ROCK2: variants seen among roughly 807,000 people sequenced by gnomAD.
ROCK2 encodes the protein rho-associated protein kinase 2.
ROCK2 carries 61 observed loss-of-function variants against 195.1 expected under a neutral mutation model. The observed-to-expected ratio is 0.31, with a 90% CI of 0.25 to 0.39. ROCK2 has a LOEUF of 0.39. Ranked by LOEUF, ROCK2 falls within the 10% of genes least tolerant of loss-of-function variation. The pLI is 1.00. For missense variants in ROCK2, 1,109 were observed against 1,637.4 expected, an observed-to-expected ratio of 0.68 and a Z score of 5.57; for synonymous variants, 504 against 545.5, an observed-to-expected ratio of 0.92 and a Z score of 1.06.
At chr2:11,238,649 ACCAGCC>A (rs1333820352) in intron 4 of ROCK2, among the ~76,000 whole-genome samples, 5 of 152,280 alleles carry the variant, frequency 3.3e-5, no homozygotes, top group Non-Finnish European at 7.4e-5. Flanking sequence ...GGAATTTGAG[ACCAGCC>A]TGGGCAACAA....
At position 11,221,243 on chromosome 2, in the gene ROCK2, C is replaced by A; in HGVS notation, c.1214G>T (p.Gly405Val). 6.3e-7 allele frequency: 1 copy of A among 1,583,106 alleles called. No homozygotes were observed. The highest frequency in any genetic ancestry group is 1.2e-5 in the South Asian group (1 of 82,688). Residue 405 changes from glycine to valine, a missense_variant, in exon 9 of 33, where the codon GGA becomes GTA. Around this residue, in one of 6 missense-constraint regions of ROCK2, gnomAD observed 253 missense variants for 455.5 expected, o/e 0.56. Coordinates refer to ENST00000315872, the MANE Select transcript of ROCK2 (RefSeq NM_004850.5). ...ETFPIPKAFV[G>V]NQLPFIGFTY... is the part of the protein sequence containing the mutation. ...AAATCCGATGAAAGGCAGCTGATTT[C>A]CAACAAAAGCTTTAGGAATTGGGAA...
intron 3 of ROCK2, among the ~76,000 whole-genome samples, chr2:11,250,304 T>G (rs1270315178): frequency 1.3e-5 from 2 of 152,204 alleles, no homozygotes; most frequent in African/African-American, 4.8e-5. Flanking sequence ...TTAAAGGGTT[T>G]TTTTGTTTGT....
chr2:11,243,636 A>G (rs1665510741), intron 4 of ROCK2, among the ~76,000 whole-genome samples: 1 of 152,156 alleles, frequency 6.6e-6, no homozygotes, highest in Admixed American at 6.5e-5. Context: ...CCTACAGAGG[A>G]GCATCCACAT....
upstream of ROCK2, among the ~76,000 whole-genome samples, chr2:11,345,204 G>A (rs986879744): frequency 6.6e-5 from 10 of 152,346 alleles, no homozygotes; most frequent in African/African-American, 2.2e-4. Context: ...GCGGAGGCGG[G>A]TGGAATCCTA....
Position 11,240,041 on chromosome 2 carries a change from G to C in ROCK2, c.463-4079C>G, listed in dbSNP as rs149044471. Among the ~76,000 whole-genome samples the C allele has an allele frequency of 1.2e-3, 189 of 152,290 alleles. 2 individuals carry two copies. Among genetic ancestry groups the C allele is most frequent in the Middle Eastern group, 3.4e-3 (1 of 294 alleles). On this transcript the variant is annotated intron_variant, in intron 4 of 32. Coordinates refer to ENST00000315872, the MANE Select transcript of ROCK2 (RefSeq NM_004850.5). ...AAAGTGCATTTCTCTCCTGGCACCA[G>C]AACATCAATGTGTTCACCAACCAGT... is the stretch of plus-strand genomic sequence containing the variant.
intron 3 of ROCK2, among the ~76,000 whole-genome samples, chr2:11,281,685 A>T (rs1667009360): frequency 6.6e-6 from 1 of 152,260 alleles, no homozygotes; most frequent in South Asian, 2.1e-4. Context: ...AGCAATGTAT[A>T]TGAAATTAAA....
intron 3 of ROCK2, among the ~76,000 whole-genome samples, chr2:11,285,876 G>GA (rs1213282637): frequency 1.3e-5 from 2 of 151,096 alleles, no homozygotes; most frequent in African/African-American, 2.4e-5. Flanking sequence ...GCAATGAAAG[G>GA]AAAAAAAAGT....
intron 1 of ROCK2, among the ~76,000 whole-genome samples, chr2:11,322,361 AGTGT>A (rs1256332288): frequency 6.6e-6 from 1 of 151,620 alleles, no homozygotes; most frequent in Non-Finnish European, 1.5e-5. Context: ...AGGTATCACT[AGTGT>A]GTGTATATGT....
At chr2:11,183,493 T>C in intron 32 of ROCK2, 53 bp from the exon 33 acceptor site, 1 of 1,364,098 alleles carries the variant, frequency 7.3e-7, no homozygotes, top group Non-Finnish European at 1.0e-6. Context: ...AATTTAAGAG[T>C]GTTAAATTCC....
chr2:11,220,791 A>G (rs1664612777), intron 9 of ROCK2, among the ~76,000 whole-genome samples: 1 of 152,074 alleles, frequency 6.6e-6, no homozygotes, highest in Admixed American at 6.5e-5. Flanking sequence ...CAGAGGTCTG[A>G]CCTATTTCTC....
At chr2:11,334,386 C>T (rs1169909767) in intron 1 of ROCK2, among the ~76,000 whole-genome samples, 1 of 152,018 alleles carries the variant, frequency 6.6e-6, no homozygotes, top group East Asian at 1.9e-4. Context: ...TGGTGCACAC[C>T]TGTAGTCCCA....
chr2:11,201,094 C>G lies in ROCK2; in HGVS notation c.2773G>C (p.Glu925Gln). The G allele has an allele frequency of 6.2e-7, 1 of 1,613,274 alleles. No homozygotes were observed. The highest frequency in any genetic ancestry group is 8.5e-7 in the Non-Finnish European group (1 of 1,179,756). The change falls in exon 23 of 33, where the codon GAG becomes CAG. Residue 925 changes from glutamate to glutamine, a missense_variant. Physicochemically the swap from Glu to Gln is conservative, Grantham distance 29. Transcript: ENST00000315872. The surrounding 1 kb of genome is among the most constrained non-coding windows in gnomAD (Gnocchi z 4.6). ...TCAGCAATTGAACGAGCCAGTTGCTCAGAATCTGCTTTGGTCAAGGTGATC... is the reference window on the plus strand; with the variant it reads ...TCAGCAATTGAACGAGCCAGTTGCTGAGAATCTGCTTTGGTCAAGGTGATC... Reference protein sequence around the residue: ...LEITLTKADSEQLARSIAEEQ... With the variant: ...LEITLTKADSQQLARSIAEEQ...
intron 1 of ROCK2, among the ~76,000 whole-genome samples, chr2:11,318,395 G>A (rs867860589): frequency 2.0e-5 from 3 of 152,092 alleles, no homozygotes; most frequent in Non-Finnish European, 1.5e-5. Context: ...GTGTCTGTTG[G>A]CTGCATAAAT....
At chr2:11,283,719 C>T (rs1006008939) in intron 3 of ROCK2, among the ~76,000 whole-genome samples, 2 of 152,020 alleles carry the variant, frequency 1.3e-5, no homozygotes, top group South Asian at 4.2e-4. Context: ...ATCAAATAAC[C>T]AAAACACTTG....
At chr2:11,278,391 AG>A (rs2148179441) in intron 3 of ROCK2, among the ~76,000 whole-genome samples, 1 of 152,366 alleles carries the variant, frequency 6.6e-6, no homozygotes, top group East Asian at 1.9e-4. Context: ...TCCAAATGAC[AG>A]GATTTCTTCC....
At chr2:11,224,145 A>G (rs920817317) in intron 7 of ROCK2, among the ~76,000 whole-genome samples, 177 bp downstream of exon 7, 1 of 152,198 alleles carries the variant, frequency 6.6e-6, no homozygotes, top group Admixed American at 6.5e-5. Flanking sequence ...CTGTACACAC[A>G]TAACAACAAG....
At chr2:11,307,253 G>C (rs1217759332) in intron 1 of ROCK2, among the ~76,000 whole-genome samples, 1 of 152,168 alleles carries the variant, frequency 6.6e-6, no homozygotes, top group South Asian at 2.1e-4. Flanking sequence ...CTGTGTACCA[G>C]GTAATGAAGC....
At chr2:11,189,011 T>C (rs953405998) in intron 32 of ROCK2, among the ~76,000 whole-genome samples, 1 of 151,410 alleles carries the variant, frequency 6.6e-6, no homozygotes, top group Non-Finnish European at 1.5e-5. Flanking sequence ...CACTCCAGCC[T>C]GGGTGACAGA....
chr2:11,256,167 T>C (rs1178608093), intron 3 of ROCK2, among the ~76,000 whole-genome samples: 1 of 151,156 alleles, frequency 6.6e-6, no homozygotes, highest in African/African-American at 2.5e-5. Flanking sequence ...TACTTATATA[T>C]AATAATTATA....
Sources: gnomAD v4.1 joint callset for allele counts (sites outside exome capture counted in the v4.1 genomes callset) on GRCh38, gnomAD v4.1.1 for gene constraint, gnomAD v4.1.1 regional missense constraint, Gnocchi (gnomAD v3.1) non-coding constraint, MANE v1.5 for transcripts, NCBI Gene and HGNC (gene_info 2026-07-23, HGNC 2026-07-21) for gene names.